The following PTDSS1 variants were observed in gnomAD, a reference collection of about 807,000 sequenced individuals.
The protein encoded by PTDSS1 is PSS-1.
In PTDSS1, 45 loss-of-function variants were observed where a neutral mutation model predicts 70.5. The ratio of observed to expected loss-of-function variants is 0.64; its 90% CI spans 0.50 to 0.82. The LOEUF is 0.82. PTDSS1 is among the 40% of genes least tolerant of loss of function. The pLI is 0.00. For synonymous variants in PTDSS1, 188 were observed against 203.8 expected, an observed-to-expected ratio of 0.92 and a Z score of 0.66; for missense variants, 417 against 586.1, an observed-to-expected ratio of 0.71 and a Z score of 2.98.
Position 96,333,345 on chromosome 8 carries a change from T to G in PTDSS1, c.1313-112T>G, listed in dbSNP as rs1034230042. On this transcript the variant is annotated intron_variant, in intron 12 of 12. Coordinates refer to ENST00000517309, the MANE Select transcript of PTDSS1 (RefSeq NM_014754.3). ...TTATGAATGAGGCCACTAGGGGGAG[T>G]GCACGTATCAGGGAAGAACCTGTTC... 4 of 856,316 alleles carry G rather than the reference T, an allele frequency of 4.7e-6. No individual in the cohort carries two copies. The African/African-American group carries it at 6.7e-5, about 14-fold the overall frequency. The allele number at this position is 856,316 out of a possible 1,614,324, so 53.0% of individuals were successfully genotyped here. A position where few individuals can be genotyped will look rare whatever the true frequency, so the allele number is the denominator to read the frequency against.
Position 96,306,447 on chromosome 8 carries a change from A to G in PTDSS1, c.898A>G (p.Thr300Ala), listed in dbSNP as rs1404978973. Reference sequence around the variant, plus strand: ...CTAATTTCTCCGTCTTTTTCAGCTGACTGAGTTGAATACCTTCTTCTTGAA... The same window carrying G: ...CTAATTTCTCCGTCTTTTTCAGCTGGCTGAGTTGAATACCTTCTTCTTGAA... ...VYLFMIIWQL[T>A]ELNTFFLKHI... The change falls in exon 8 of 13, where the codon ACT becomes GCT. Residue 300 changes from threonine to alanine, a missense_variant. Physicochemically the swap from Thr to Ala is moderately conservative, Grantham distance 58 (BLOSUM62 0). Transcript: ENST00000517309. The G allele has an allele frequency of 1.2e-6, 2 of 1,612,962 alleles. No homozygotes were observed. Among genetic ancestry groups the G allele is most frequent in the Non-Finnish European group, 1.7e-6 (2 of 1,179,026 alleles).
chr8:96,277,642 C>A (rs1810667512), intron 2 of PTDSS1, among the ~76,000 whole-genome samples: 1 of 152,210 alleles, frequency 6.6e-6, no homozygotes, highest in Non-Finnish European at 1.5e-5. Flanking sequence ...ACTTGAAATG[C>A]ATTTATCCTT....
intron 8 of PTDSS1, 187 bp from the exon 9 acceptor site, chr8:96,309,370 A>T: frequency 2.0e-6 from 1 of 499,624 alleles, no homozygotes; most frequent in South Asian, 3.7e-5. Flanking sequence ...AGCCTAACCC[A>T]AACGCTGAAT....
At chr8:96,280,272 A>C (rs758516681) in intron 2 of PTDSS1, among the ~76,000 whole-genome samples, 1 of 152,180 alleles carries the variant, frequency 6.6e-6, no homozygotes. Context: ...CTGTAATCTC[A>C]GCACTTTGGG....
At chr8:96,318,028 A>G (rs1811320844) in intron 9 of PTDSS1, among the ~76,000 whole-genome samples, 2 of 152,030 alleles carry the variant, frequency 1.3e-5, no homozygotes, top group Admixed American at 6.5e-5. Context: ...TCGGCCAATC[A>G]GCATGCTTTT....
Position 96,329,566 on chromosome 8 carries a change from G to A in PTDSS1, c.1174-647G>A, listed in dbSNP as rs1280071567. 3.9e-5 allele frequency among the ~76,000 whole-genome samples: 6 copies of A among 152,316 alleles called. 1 individual carries two copies. The South Asian group carries it at 1.0e-3, about 26-fold the overall frequency. ...CAAGTGTGGAGTAGAGGTTGTCCCTGCCTCTGGGCACCCACAGGCCACACC... is the reference window on the plus strand; with the variant it reads ...CAAGTGTGGAGTAGAGGTTGTCCCTACCTCTGGGCACCCACAGGCCACACC... On this transcript the variant is annotated intron_variant, in intron 10 of 12. Transcript: ENST00000517309.
At chr8:96,283,343 G>A (rs1810770849) in intron 2 of PTDSS1, among the ~76,000 whole-genome samples, 1 of 152,204 alleles carries the variant, frequency 6.6e-6, no homozygotes, top group South Asian at 2.1e-4. Context: ...CACCAGAATG[G>A]TGCTTTTCCA....
At chr8:96,319,286 G>A (rs1811341545) in intron 9 of PTDSS1, among the ~76,000 whole-genome samples, 1 of 152,060 alleles carries the variant, frequency 6.6e-6, no homozygotes, top group African/African-American at 2.4e-5. Flanking sequence ...TCTTGAGCAA[G>A]GAATGCATAA....
In PTDSS1 at chr8:96,334,762, T is replaced by A. The variant is rs34646355; in HGVS notation, c.*1196T>A. The A allele has an allele frequency of 0.38, 57,091 of 152,060 alleles. 12,030 individuals carry two copies. Among genetic ancestry groups the A allele is most frequent in the East Asian group, 0.59 (3,054 of 5,154 alleles). The allele number at this position is 152,060 out of a possible 1,614,324, so 9.4% of individuals were successfully genotyped here. ...AAGTGACCAACAGGAATGAACAACA[T>A]AGTCATTGTTTTTTCCTGTGGTAAT... is the stretch of plus-strand genomic sequence containing the variant. On this transcript the variant is annotated 3_prime_UTR_variant, in exon 13 of 13. Transcript: ENST00000517309.
At chr8:96,266,179 T>C (rs1442684528) in intron 1 of PTDSS1, among the ~76,000 whole-genome samples, 1 of 152,206 alleles carries the variant, frequency 6.6e-6, no homozygotes, top group Non-Finnish European at 1.5e-5. Context: ...GAAGCCCACC[T>C]CTCCTTAAGA....
intron 10 of PTDSS1, among the ~76,000 whole-genome samples, chr8:96,321,797 G>A (rs1284756994): frequency 6.6e-6 from 1 of 152,136 alleles, no homozygotes; most frequent in Admixed American, 6.6e-5. Flanking sequence ...AAGGCACAGT[G>A]AGCCTGTTCT....
In PTDSS1 at chr8:96,317,878, AGTGTGTGTGTGTGT is replaced by A. The variant is rs10529330; in HGVS notation, c.1074-2339_1074-2326del. 8.6e-5 allele frequency among the ~76,000 whole-genome samples: 12 copies of A among 139,970 alleles called. No individual in the cohort carries two copies. The East Asian group carries it at 1.2e-3, about 14-fold the overall frequency. 91.8% of individuals were successfully genotyped at this position (139,970 alleles called of 152,430 possible). ...AATTGTCTTATGAAGCTTTTGTTTCAGTGTGTGTGTGTGTGTGTGTGTGTGTGTGTGTGTGTGTG... is the reference window on the plus strand; with the variant it reads ...AATTGTCTTATGAAGCTTTTGTTTCAGTGTGTGTGTGTGTGTGTGTGTGTG... On this transcript the variant is annotated intron_variant, in intron 9 of 12. Coordinates refer to ENST00000517309, the MANE Select transcript of PTDSS1 (RefSeq NM_014754.3).
chr8:96,271,905 A>C (rs1413637032), intron 1 of PTDSS1, among the ~76,000 whole-genome samples: 1 of 152,078 alleles, frequency 6.6e-6, no homozygotes, highest in Non-Finnish European at 1.5e-5. Context: ...TTTTTAACTT[A>C]CCATGAGTGA....
chr8:96,298,548 C>T (rs984627013), intron 5 of PTDSS1, among the ~76,000 whole-genome samples: 1 of 152,140 alleles, frequency 6.6e-6, no homozygotes, highest in African/African-American at 2.4e-5. Context: ...TTTCCCCTTC[C>T]TGGAATGCCC....
intron 1 of PTDSS1, among the ~76,000 whole-genome samples, chr8:96,268,599 C>T (rs1465684689): frequency 6.6e-6 from 1 of 151,138 alleles, no homozygotes; most frequent in South Asian, 2.1e-4. Context: ...GAGACAGAAT[C>T]GGAGTCAGAG....
chr8:96,332,146 A>T (rs1811526695), intron 12 of PTDSS1, among the ~76,000 whole-genome samples: 1 of 151,276 alleles, frequency 6.6e-6, no homozygotes, highest in Admixed American at 6.6e-5. Context: ...TTGGTCGTGT[A>T]GTTAGGGAAC....
At chr8:96,332,415 T>G (rs932454906) in intron 12 of PTDSS1, among the ~76,000 whole-genome samples, 2 of 152,290 alleles carry the variant, frequency 1.3e-5, no homozygotes, top group East Asian at 3.9e-4. Context: ...TTCTCCTAAG[T>G]TCTTTTGGCA....
chr8:96,321,980 C>G (rs778647622), intron 10 of PTDSS1, among the ~76,000 whole-genome samples: 53 of 152,172 alleles, frequency 3.5e-4, no homozygotes, highest in Non-Finnish European at 4.7e-4. Context: ...TCAGATATGT[C>G]TCTGGCCTGT....
chr8:96,328,036 G>GTGGGTCTGT (rs1811462584), intron 10 of PTDSS1, among the ~76,000 whole-genome samples: 1 of 152,158 alleles, frequency 6.6e-6, no homozygotes, highest in African/African-American at 2.4e-5. Context: ...CAGACCCTTT[G>GTGGGTCTGT]TGTGACGATT....
Sources: allele counts gnomAD v4.1 joint callset (sites outside exome capture counted in the v4.1 genomes callset), GRCh38; gene constraint gnomAD v4.1.1; transcripts MANE v1.5; gene names NCBI Gene and HGNC (gene_info 2026-07-23, HGNC 2026-07-21).